NAALADL2: variants seen among roughly 807,000 people sequenced by gnomAD.
NAALADL2 encodes inactive N-acetylated-alpha-linked acidic dipeptidase-like protein 2.
Under a neutral mutation model 87.2 loss-of-function variants are expected in NAALADL2, and 76 were observed. The observed-to-expected ratio is 0.87, with a 90% CI of 0.72 to 1.05. The LOEUF is 1.05. Among genes scored for constraint, NAALADL2 ranks in the 50% least tolerant of loss-of-function variants. The pLI, the probability that NAALADL2 is intolerant of heterozygous loss-of-function variation, is 0.00. For synonymous variants in NAALADL2, 354 were observed against 331.0 expected, an observed-to-expected ratio of 1.07 and a Z score of -0.75; for missense variants, 1,089 against 945.8, an observed-to-expected ratio of 1.15 and a Z score of -1.99.
chr3:174,977,798 T>C (rs898967581), intron 1 of NAALADL2, among the ~76,000 whole-genome samples: 1 of 152,124 alleles, frequency 6.6e-6, no homozygotes, highest in Non-Finnish European at 1.5e-5. Flanking sequence ...AACCACAAAT[T>C]GAGCATAAAC....
rs372107027 is a variant in NAALADL2, at chr3:175,112,824, G to A, written c.545+15533G>A. ...GTAATATAGGCATAATGACATCAGC[G>A]CAAAGATTGTAGGAGAGAAGCATAT... On this transcript the variant is annotated intron_variant, in intron 2 of 13. Coordinates refer to ENST00000454872, the MANE Select transcript of NAALADL2 (RefSeq NM_207015.3). 7.9e-5 allele frequency among the ~76,000 whole-genome samples: 12 copies of A among 151,616 alleles called. No individual in the cohort carries two copies. In the South Asian group the frequency reaches 1.0e-3, roughly 13 times the overall value.
At chr3:174,911,201 A>G (rs1462844693) in intron 1 of NAALADL2, among the ~76,000 whole-genome samples, 2 of 152,114 alleles carry the variant, frequency 1.3e-5, no homozygotes, top group East Asian at 3.9e-4. Flanking sequence ...GATACTGGCA[A>G]TAGAACACAT....
chr3:175,081,644 C>G (rs1717847794), intron 1 of NAALADL2, among the ~76,000 whole-genome samples: 1 of 152,116 alleles, frequency 6.6e-6, no homozygotes, highest in Non-Finnish European at 1.5e-5. Context: ...TTCCCACCAG[C>G]TCTTCTTTAT....
At chr3:174,974,380 A>T (rs925308583) in intron 1 of NAALADL2, among the ~76,000 whole-genome samples, 1 of 152,192 alleles carries the variant, frequency 6.6e-6, no homozygotes, top group Non-Finnish European at 1.5e-5. Flanking sequence ...TTTGAAATTT[A>T]TCAAGGCATC....
At chr3:174,763,578 C>A in intron 3 of NAALADL2, among the ~76,000 whole-genome samples, 1 of 6,510 alleles carries the variant, frequency 1.5e-4, no homozygotes, top group Non-Finnish European at 3.5e-4. Flanking sequence ...CAGAGCGAGA[C>A]TCCATCTCAA....
At chr3:174,563,284 T>C (rs1401686426) in intron 2 of NAALADL2, among the ~76,000 whole-genome samples, 3 of 151,620 alleles carry the variant, frequency 2.0e-5, no homozygotes, top group Non-Finnish European at 2.9e-5. Context: ...GTATATGCTA[T>C]AAACCTTTTG....
At chr3:175,628,798 G>A (rs1461852878) in intron 11 of NAALADL2, among the ~76,000 whole-genome samples, 1 of 150,516 alleles carries the variant, frequency 6.6e-6, no homozygotes, top group Admixed American at 6.6e-5. Flanking sequence ...TCAATAGAAT[G>A]AGTTCGGAAT....
intron 13 of NAALADL2, among the ~76,000 whole-genome samples, chr3:175,798,832 C>G (rs939280344): frequency 2.0e-5 from 3 of 151,966 alleles, no homozygotes; most frequent in African/African-American, 7.3e-5. Flanking sequence ...TAATCTGTAA[C>G]TTTTATGAGC....
chr3:174,787,710 A>G (rs1375286141), intron 3 of NAALADL2, among the ~76,000 whole-genome samples: 1 of 148,046 alleles, frequency 6.8e-6, no homozygotes, highest in African/African-American at 2.5e-5. Flanking sequence ...AAGTGGATTA[A>G]GTATGGAATA....
chr3:174,874,928 A>G (rs764827951), intron 1 of NAALADL2, among the ~76,000 whole-genome samples: 9 of 151,774 alleles, frequency 5.9e-5, no homozygotes, highest in Non-Finnish European at 1.3e-4. Context: ...CCAGCCTGGC[A>G]ATATAGTGAG....
intron 1 of NAALADL2, among the ~76,000 whole-genome samples, chr3:174,892,905 G>C (rs73045498): frequency 0.089 from 11,976 of 134,270 alleles, 1,577 homozygotes; most frequent in African/African-American, 0.31. Context: ...TTGGGCTAGA[G>C]AGTGAGACTC....
chr3:174,935,247 A>G (rs1737521717), intron 1 of NAALADL2, among the ~76,000 whole-genome samples: 1 of 152,170 alleles, frequency 6.6e-6, no homozygotes, highest in Admixed American at 6.6e-5. Context: ...AAACAATATT[A>G]ATGAGGAACT....
chr3:174,610,658 A>G (rs566997116), intron 2 of NAALADL2, among the ~76,000 whole-genome samples: 1 of 152,236 alleles, frequency 6.6e-6, no homozygotes, highest in South Asian at 2.1e-4. Context: ...TTAAAAAGTC[A>G]GGAAACAACA....
intron 3 of NAALADL2, among the ~76,000 whole-genome samples, chr3:174,853,629 T>C (rs1165555557): frequency 1.3e-5 from 2 of 152,032 alleles, no homozygotes; most frequent in African/African-American, 2.4e-5. Context: ...ATTTGGAAAC[T>C]ATTCATCTGA....
At chr3:175,756,377 T>A (rs1212551067) in intron 13 of NAALADL2, among the ~76,000 whole-genome samples, 3 of 152,160 alleles carry the variant, frequency 2.0e-5, no homozygotes, top group African/African-American at 7.2e-5. Context: ...TGCATTCATA[T>A]GTTTATCACA....
intron 13 of NAALADL2, among the ~76,000 whole-genome samples, chr3:175,762,682 T>C (rs78155463): frequency 2.1e-3 from 327 of 152,338 alleles, no homozygotes; most frequent in African/African-American, 7.7e-3. Context: ...TTTCAATATA[T>C]TGTCCTTCCC....
intron 10 of NAALADL2, 101 bp from the exon 11 acceptor site, chr3:175,627,190 G>A (rs1727101696): frequency 2.3e-6 from 2 of 872,446 alleles, no homozygotes; most frequent in East Asian, 2.7e-5. Context: ...AAACCTTAAG[G>A]CAATTTAGAG....
At chr3:174,908,853 CAG>C (rs1733314227) in intron 1 of NAALADL2, among the ~76,000 whole-genome samples, 1 of 151,898 alleles carries the variant, frequency 6.6e-6, no homozygotes, top group African/African-American at 2.4e-5. Flanking sequence ...TTAAAAATAA[CAG>C]TGTAAAGCAA....
intron 1 of NAALADL2, among the ~76,000 whole-genome samples, chr3:174,874,908 G>T (rs987340860): frequency 3.3e-5 from 5 of 151,766 alleles, no homozygotes; most frequent in African/African-American, 1.2e-4. Flanking sequence ...TTGAGCCAAG[G>T]AGGTTGAGAC....
Sources: allele counts gnomAD v4.1 joint callset (sites outside exome capture counted in the v4.1 genomes callset), GRCh38; gene constraint gnomAD v4.1.1; transcripts MANE v1.5; gene names NCBI Gene and HGNC (gene_info 2026-07-23, HGNC 2026-07-21).